GLT8D2: variants seen among roughly 807,000 people sequenced by gnomAD.
GLT8D2 encodes the protein glycosyltransferase 8 domain-containing protein 2.
Under a neutral mutation model 44.5 loss-of-function variants are expected in GLT8D2, and 45 were observed. The ratio of observed to expected loss-of-function variants is 1.01; its 90% CI spans 0.80 to 1.30. GLT8D2 has a LOEUF of 1.30. Among genes scored for constraint, GLT8D2 ranks in the 50% most tolerant of loss-of-function variants. The pLI is 0.00. For missense variants in GLT8D2, 400 were observed against 430.4 expected, an observed-to-expected ratio of 0.93 and a Z score of 0.62; for synonymous variants, 156 against 157.2, an observed-to-expected ratio of 0.99 and a Z score of 0.06.
intron 4 of GLT8D2, among the ~76,000 whole-genome samples, chr12:104,014,718 T>C (rs1405644493): frequency 6.6e-6 from 1 of 152,166 alleles, no homozygotes; most frequent in Admixed American, 6.5e-5. Context: ...TTATCGGAAA[T>C]GCAAGTCTTG....
chr12:104,050,799 A>T (rs1881638216), upstream of GLT8D2, among the ~76,000 whole-genome samples: 1 of 148,400 alleles, frequency 6.7e-6, no homozygotes, highest in South Asian at 2.2e-4. Context: ...AATAAAATGC[A>T]AGCCACCCTG....
chr12:104,055,783 G>A (rs755070218), intron 1 of GLT8D2, among the ~76,000 whole-genome samples: 2 of 152,188 alleles, frequency 1.3e-5, no homozygotes, highest in Non-Finnish European at 2.9e-5. Context: ...GGGAGGAAAG[G>A]AATAAGTCTT....
rs377689780 is a variant in GLT8D2 at position 104,004,481 on chromosome 12, C to T, written c.113-1175G>A. Among the ~76,000 whole-genome samples the T allele has an allele frequency of 7.2e-5, 11 of 152,246 alleles. No individual in the cohort carries two copies. The East Asian group carries it at 9.6e-4, about 13-fold the overall frequency. On this transcript the variant is annotated intron_variant, in intron 4 of 10. Transcript: ENST00000360814. ...GACATGATTGTATATTTAGAAAACCCGACCGTCTCAGCCCATAATCTCCTC... is the reference window on the plus strand; with the variant it reads ...GACATGATTGTATATTTAGAAAACCTGACCGTCTCAGCCCATAATCTCCTC...
chr12:104,059,665 G>GACATTAGGGGTC (rs11272249), intron 1 of GLT8D2, among the ~76,000 whole-genome samples: 14 of 152,016 alleles, frequency 9.2e-5, no homozygotes, highest in African/African-American at 3.4e-4. Context: ...AAGGAGAGCA[G>GACATTAGGGGTC]ATCTTGAAGG....
chr12:104,030,347 A>C (rs1452121430), intron 1 of GLT8D2, among the ~76,000 whole-genome samples: 1 of 152,058 alleles, frequency 6.6e-6, no homozygotes, highest in African/African-American at 2.4e-5. Context: ...GCTCAAAATG[A>C]ATTACATATT....
At chr12:104,033,224 G>A (rs1318355341) in intron 1 of GLT8D2, among the ~76,000 whole-genome samples, 1 of 151,160 alleles carries the variant, frequency 6.6e-6, no homozygotes, top group Non-Finnish European at 1.5e-5. Context: ...ATTAACCTGT[G>A]TCCATAAATG....
intron 5 of GLT8D2, among the ~76,000 whole-genome samples, chr12:104,000,575 T>C (rs1874070343): frequency 6.6e-6 from 1 of 151,392 alleles, no homozygotes; most frequent in Non-Finnish European, 1.5e-5. Flanking sequence ...GGGCAGGGAG[T>C]AGACTGGACA....
At chr12:104,055,559 A>G (rs1162707034) in intron 1 of GLT8D2, among the ~76,000 whole-genome samples, 1 of 152,212 alleles carries the variant, frequency 6.6e-6, no homozygotes, top group African/African-American at 2.4e-5. Flanking sequence ...GTGCAACCCC[A>G]TGCAATATGT....
rs549523800 is a variant in GLT8D2, at chr12:104,009,371, G to A, written c.112+5642C>T. 1.1e-4 allele frequency among the ~76,000 whole-genome samples: 17 copies of A among 152,286 alleles called. No homozygotes were observed. In the South Asian group the frequency reaches 3.5e-3, roughly 32 times the overall value. ...CGCTGGATTTTGGACAAGCACAGGG[G>A]TAACCCCTTTGTTTTGGCCAATTTC... On this transcript the variant is annotated intron_variant, in intron 4 of 10. Coordinates refer to ENST00000360814, the MANE Select transcript of GLT8D2 (RefSeq NM_001384711.1).
At chr12:104,044,326 G>A (rs756053086) in intron 1 of GLT8D2, among the ~76,000 whole-genome samples, 10 of 152,132 alleles carry the variant, frequency 6.6e-5, no homozygotes, top group African/African-American at 9.7e-5. Context: ...CGTCATCACC[G>A]GTGTACTGGC....
At chr12:104,031,199 A>G (rs1879208641) in intron 1 of GLT8D2, 1 of 1,610,814 alleles carries the variant, frequency 6.2e-7, no homozygotes, top group Non-Finnish European at 8.5e-7. Flanking sequence ...TAAGGATCGC[A>G]GGTATGCAGA....
chr12:104,037,781 C>A (rs1215584849), intron 1 of GLT8D2, among the ~76,000 whole-genome samples: 2 of 152,178 alleles, frequency 1.3e-5, no homozygotes, highest in Non-Finnish European at 2.9e-5. Flanking sequence ...GGGAATCCTC[C>A]CTAACTCATT....
In GLT8D2 at chr12:104,018,559, T is replaced by C. The variant is rs561297813; in HGVS notation, c.19+1071A>G. On this transcript the variant is annotated intron_variant, in intron 3 of 10. Coordinates refer to ENST00000360814, the MANE Select transcript of GLT8D2 (RefSeq NM_001384711.1). ...AGAAAATGGACAAAATTCTACAGTTTATCAACAGGCCCGATTAATATTCAC... is the reference window on the plus strand; with the variant it reads ...AGAAAATGGACAAAATTCTACAGTTCATCAACAGGCCCGATTAATATTCAC... Among the ~76,000 whole-genome samples the C allele has an allele frequency of 3.9e-5, 6 of 152,192 alleles. No homozygotes were observed. In the South Asian group the frequency reaches 1.2e-3, roughly 32 times the overall value.
chr12:104,039,395 A>G (rs1392854170), intron 1 of GLT8D2, among the ~76,000 whole-genome samples: 2 of 152,230 alleles, frequency 1.3e-5, no homozygotes, highest in African/African-American at 2.4e-5. Flanking sequence ...CAATCTACCC[A>G]TCTGACAAAG....
At chr12:104,014,874 C>T (rs1051452341) in intron 4 of GLT8D2, 139 bp downstream of exon 4, 15 of 622,580 alleles carry the variant, frequency 2.4e-5, no homozygotes, top group African/African-American at 7.4e-5. Flanking sequence ...TGGTCTAGGG[C>T]GGATATTCTA....
At position 103,994,415 on chromosome 12, in the gene GLT8D2, A is replaced by G; in HGVS notation, c.687T>C (p.Gly229=). The change falls in exon 9 of 11, where the codon GGT becomes GGC. Residue 229 remains glycine (G), a synonymous_variant. Coordinates refer to ENST00000360814, the MANE Select transcript of GLT8D2 (RefSeq NM_001384711.1). ...ISPSTCSFNP[G]VIVANMTEWK... ...ATTCTGTCATGTTGGCAACAATCAC[A>G]CCAGGATTGAAAGAGCAGGTGCTGG... 1 of 1,614,088 alleles carries G rather than the reference A, an allele frequency of 6.2e-7. No individual in the cohort carries two copies. Among genetic ancestry groups the G allele is most frequent in the South Asian group, 1.1e-5 (1 of 91,062 alleles).
At chr12:104,059,229 C>T (rs1882423728) in intron 1 of GLT8D2, among the ~76,000 whole-genome samples, 1 of 152,020 alleles carries the variant, frequency 6.6e-6, no homozygotes, top group African/African-American at 2.4e-5. Flanking sequence ...TCTATTCAAC[C>T]CTGGTATACA....
At chr12:104,021,275 A>C (rs1877584486) in intron 2 of GLT8D2, 82 bp downstream of exon 2, 2 of 152,208 alleles carry the variant, frequency 1.3e-5, no homozygotes, top group African/African-American at 4.8e-5. Context: ...GGTCTGAATA[A>C]GGGATGAACC....
chr12:104,029,295 A>G (rs901675079), intron 1 of GLT8D2, among the ~76,000 whole-genome samples: 1 of 152,188 alleles, frequency 6.6e-6, no homozygotes, highest in Non-Finnish European at 1.5e-5. Context: ...TCTCAAAAAA[A>G]AAAGTGTAAA....
Sources: gnomAD v4.1 joint callset for allele counts (sites outside exome capture counted in the v4.1 genomes callset) on GRCh38, gnomAD v4.1.1 for gene constraint, MANE v1.5 for transcripts, NCBI Gene and HGNC (gene_info 2026-07-23, HGNC 2026-07-21) for gene names.